The following GYG1 variants were observed in gnomAD, a reference collection of about 807,000 sequenced individuals.
GYG1 encodes glycogenin-1.
Under a neutral mutation model 41.9 loss-of-function variants are expected in GYG1, and 44 were observed. That is an observed-to-expected ratio of 1.05 (90% CI 0.83 to 1.35). GYG1 has a LOEUF of 1.35. Among genes scored for constraint, GYG1 ranks in the 40% most tolerant of loss-of-function variants. The pLI is 0.00. For synonymous variants in GYG1, 141 were observed against 158.1 expected, an observed-to-expected ratio of 0.89 and a Z score of 0.81; for missense variants, 429 against 418.9, an observed-to-expected ratio of 1.02 and a Z score of -0.21.
chr3:149,025,117 T>C (rs16861303), intron 6 of GYG1, among the ~76,000 whole-genome samples: 2,801 of 152,328 alleles, frequency 0.018, 88 homozygotes, highest in African/African-American at 0.064. Flanking sequence ...ATTCTTACTC[T>C]GAGTTCTTTA....
intron 2 of GYG1, among the ~76,000 whole-genome samples, chr3:148,994,576 G>A (rs1461848077): frequency 3.9e-5 from 6 of 152,204 alleles, no homozygotes; most frequent in Non-Finnish European, 8.8e-5. Flanking sequence ...ATCTGAAGGA[G>A]TGTGTCAGGC....
intron 2 of GYG1, among the ~76,000 whole-genome samples, chr3:148,995,493 A>G (rs1198812455): frequency 2.0e-5 from 3 of 152,214 alleles, no homozygotes; most frequent in Non-Finnish European, 2.9e-5. Flanking sequence ...GAAGATGCCA[A>G]AAAGGCTGTC....
intron 1 of GYG1, among the ~76,000 whole-genome samples, chr3:148,992,100 CT>C (rs1222021077): frequency 3.3e-5 from 5 of 152,310 alleles, no homozygotes; most frequent in African/African-American, 7.2e-5. Flanking sequence ...ATACTGCGGC[CT>C]CCGCCCGGCT....
At chr3:149,016,275 AAC>A (rs1714030660) in intron 5 of GYG1, among the ~76,000 whole-genome samples, 6 of 147,274 alleles carry the variant, frequency 4.1e-5, no homozygotes, top group African/African-American at 7.4e-5. Flanking sequence ...AAAAAAAAAA[AAC>A]AAAAAAGAAA....
rs10575910 is a variant in GYG1, at chr3:149,012,997, T to TTGTGTGTGTGTGTGTGTGTGTG, written c.608+3609_608+3630dup. Among the ~76,000 whole-genome samples the TTGTGTGTGTGTGTGTGTGTGTG allele has an allele frequency of 4.6e-3, 653 of 141,424 alleles. 2 individuals are homozygous for TTGTGTGTGTGTGTGTGTGTGTG. Among genetic ancestry groups the TTGTGTGTGTGTGTGTGTGTGTG allele is most frequent in the Admixed American group, 7.0e-3 (99 of 14,218 alleles). 92.8% of individuals were successfully genotyped at this position (141,424 alleles called of 152,430 possible). On this transcript the variant is annotated intron_variant, in intron 5 of 7. Transcript: ENST00000345003. ...GCATGTGCCACTATGCTCAGTTAAT[T>TTGTGTGTGTGTGTGTGTGTGTG]TGTGTGTGTGTGTGTGTGTGTGTGT... is the stretch of plus-strand genomic sequence containing the variant.
At chr3:149,016,279 A>G (rs1714031916) in intron 5 of GYG1, among the ~76,000 whole-genome samples, 1 of 146,732 alleles carries the variant, frequency 6.8e-6, no homozygotes, top group African/African-American at 2.5e-5. Flanking sequence ...AAAAAAAACA[A>G]AAAAGAAAAA....
chr3:149,018,692 A>T (rs1714204109), intron 5 of GYG1, among the ~76,000 whole-genome samples: 1 of 152,132 alleles, frequency 6.6e-6, no homozygotes. Context: ...TCTCATAAAA[A>T]GCTGGTCCTC....
chr3:149,012,997 T>TTGTGTGTGTG (rs10575910), intron 5 of GYG1, among the ~76,000 whole-genome samples: 7,606 of 141,346 alleles, frequency 0.054, 238 homozygotes, highest in East Asian at 0.1. Flanking sequence ...CTCAGTTAAT[T>TTGTGTGTGTG]TGTGTGTGTG....
chr3:149,023,689 A>AT lies in GYG1; in HGVS notation c.609-360dup, dbSNP rs888245233. Among the ~76,000 whole-genome samples, 65 of 152,308 alleles carry AT rather than the reference A, an allele frequency of 4.3e-4. 1 individual carries two copies. Among genetic ancestry groups the AT allele is most frequent in the African/African-American group, 1.5e-3 (64 of 41,572 alleles). On this transcript the variant is annotated intron_variant, in intron 5 of 7. Transcript: ENST00000345003. ...ACAATGTCACAGTGAACTCAGTTTG[A>AT]TTTTGAACCCTTACTGCAGGATGGA...
intron 5 of GYG1, among the ~76,000 whole-genome samples, chr3:149,011,341 C>T (rs889170404): frequency 6.6e-6 from 1 of 152,132 alleles, no homozygotes; most frequent in South Asian, 2.1e-4. Flanking sequence ...CCCCTAGAGC[C>T]GAATTTGTCT....
At position 149,027,186 on chromosome 3, in the gene GYG1, G is replaced by A. The variant is rs1714707008; in HGVS notation, c.*253G>A. The A allele has an allele frequency of 1.9e-6, 1 of 528,544 alleles. No individual in the cohort carries two copies. The highest frequency in any genetic ancestry group is 2.5e-5 in the South Asian group (1 of 40,266). 32.7% of individuals were successfully genotyped at this position (528,544 alleles called of 1,614,324 possible). A position where few individuals can be genotyped will look rare whatever the true frequency, so the allele number is the denominator to read the frequency against. ...TCAGAAATTCTCACTTTTGTTGACT[G>A]CCAACATACAAAGTAAGGGAAACTC... On this transcript the variant is annotated 3_prime_UTR_variant, in exon 8 of 8. Transcript: ENST00000345003.
intron 5 of GYG1, among the ~76,000 whole-genome samples, chr3:149,019,000 GT>G: frequency 6.6e-6 from 1 of 150,724 alleles, no homozygotes; most frequent in South Asian, 2.1e-4. Flanking sequence ...CACTTCAGAG[GT>G]TGAAGTGCAG....
chr3:149,019,384 C>T (rs1302060531), intron 5 of GYG1, among the ~76,000 whole-genome samples: 4 of 152,154 alleles, frequency 2.6e-5, no homozygotes, highest in Admixed American at 6.5e-5. Flanking sequence ...CATCACTGTG[C>T]AGTACTGCCC....
intron 3 of GYG1, 95 bp downstream of exon 3, chr3:148,996,571 T>C: frequency 2.4e-6 from 3 of 1,275,822 alleles, no homozygotes; most frequent in Non-Finnish European, 3.4e-6. Context: ...GACTTGACGG[T>C]AAAGTTCAGA....
At chr3:148,997,847 C>T (rs1487826778) in intron 4 of GYG1, among the ~76,000 whole-genome samples, 1 of 152,174 alleles carries the variant, frequency 6.6e-6, no homozygotes. Context: ...GGCCAGAGGC[C>T]CAAGCTCTGC....
At chr3:149,006,202 C>A (rs1165778226) in intron 4 of GYG1, among the ~76,000 whole-genome samples, 1 of 151,484 alleles carries the variant, frequency 6.6e-6, no homozygotes, top group Non-Finnish European at 1.5e-5. Flanking sequence ...TCTGCCTCAG[C>A]CTCCCAAGTA....
intron 5 of GYG1, among the ~76,000 whole-genome samples, chr3:149,016,277 CAAAAAAG>C (rs1714031789): frequency 1.0e-5 from 1 of 99,750 alleles, no homozygotes; most frequent in Non-Finnish European, 2.1e-5. Context: ...AAAAAAAAAA[CAAAAAAG>C]AAAAAAAAAA....
At chr3:149,016,964 CA>C (rs1173271414) in intron 5 of GYG1, among the ~76,000 whole-genome samples, 1 of 152,106 alleles carries the variant, frequency 6.6e-6, no homozygotes, top group Non-Finnish European at 1.5e-5. Context: ...CCATGATTCC[CA>C]GAGAAGTGTC....
chr3:149,013,919 T>C (rs917179682), intron 5 of GYG1, among the ~76,000 whole-genome samples: 1 of 152,226 alleles, frequency 6.6e-6, no homozygotes, highest in African/African-American at 2.4e-5. Flanking sequence ...TTTGGGTCAC[T>C]CTTTTTTTCC....
Sources: allele counts gnomAD v4.1 joint callset (sites outside exome capture counted in the v4.1 genomes callset), GRCh38; gene constraint gnomAD v4.1.1; transcripts MANE v1.5; gene names NCBI Gene and HGNC (gene_info 2026-07-23, HGNC 2026-07-21).